ERAP1: variants seen among roughly 807,000 people sequenced by gnomAD.
ERAP1 encodes endoplasmic reticulum aminopeptidase 1, also known as adipocyte-derived leucine aminopeptidase.
In ERAP1, 86 loss-of-function variants were observed where a neutral mutation model predicts 103.7. The observed-to-expected ratio is 0.83, with a 90% CI of 0.70 to 0.99. The LOEUF is 0.99. ERAP1 is among the 50% of genes least tolerant of loss of function. ERAP1 has a pLI of 0.00. For missense variants in ERAP1, 1,009 were observed against 1,128.4 expected (o/e 0.89, Z 1.52); for synonymous variants, 398 against 402.4 (o/e 0.99, Z 0.13).
Position 96,775,431 on chromosome 5 carries a change from G to T in ERAP1, c.*965C>A. 1.0e-6 allele frequency: 1 copy of T among 985,406 alleles called. No homozygotes were observed. The highest frequency in any genetic ancestry group is 1.2e-6 in the Non-Finnish European group (1 of 829,888). The allele number at this position is 985,406 out of a possible 1,614,324, so 61.0% of individuals were successfully genotyped here. On this transcript the variant is annotated 3_prime_UTR_variant, in exon 19 of 19. Coordinates refer to ENST00000443439, the MANE Select transcript of ERAP1 (RefSeq NM_001040458.3). ...TAAAGTAGGCCAAATAAGAAGCAGA[G>T]AGAGAAAAAAAATCACCTCCCTAAG...
At chr5:96,778,775 G>T (rs756356861) in intron 18 of ERAP1, among the ~76,000 whole-genome samples, 1 of 152,202 alleles carries the variant, frequency 6.6e-6, no homozygotes, top group Non-Finnish European at 1.5e-5. Context: ...GGCAAGAGAT[G>T]AGAAAGGATT....
chr5:96,834,327 C>G, the ERAP1 span, among the ~76,000 whole-genome samples: 1 of 152,172 alleles, frequency 6.6e-6, no homozygotes, highest in Non-Finnish European at 1.5e-5. Flanking sequence ...CTCCCACTTA[C>G]TATTTGTTAG....
the ERAP1 span, among the ~76,000 whole-genome samples, chr5:96,813,498 A>T: frequency 6.6e-6 from 1 of 151,834 alleles, no homozygotes; most frequent in African/African-American, 2.4e-5. Flanking sequence ...ACTAAAATAC[A>T]AAAATTTAGC....
downstream of ERAP1, chr5:96,773,178 C>T (rs369920978): frequency 9.7e-5 from 15 of 153,896 alleles, no homozygotes; most frequent in African/African-American, 3.6e-4. Context: ...CATATCTCCT[C>T]TTGGGCTGCT....
the ERAP1 span, among the ~76,000 whole-genome samples, chr5:96,833,827 A>G: frequency 1.3e-5 from 2 of 151,490 alleles, no homozygotes; most frequent in Non-Finnish European, 2.9e-5. Flanking sequence ...AGAAGATAGC[A>G]TGTGAATTCT....
chr5:96,865,931 C>A, the ERAP1 span, among the ~76,000 whole-genome samples: 1 of 152,200 alleles, frequency 6.6e-6, no homozygotes, highest in Non-Finnish European at 1.5e-5. Context: ...ACATTACACC[C>A]AGACTGACAA....
rs895974726 is a variant in ERAP1 at position 96,795,242 on chromosome 5, T to C, written c.799-80A>G. On this transcript the variant is annotated intron_variant, in intron 4 of 18. Coordinates refer to ENST00000443439, the MANE Select transcript of ERAP1 (RefSeq NM_001040458.3). ...ACATTGTGTAGAAGACTGACATTAATGTCTTCATATTGTGGGATATGGTTG... is the reference window on the plus strand; with the variant it reads ...ACATTGTGTAGAAGACTGACATTAACGTCTTCATATTGTGGGATATGGTTG... 1.4e-5 allele frequency: 22 copies of C among 1,560,544 alleles called. No individual in the cohort carries two copies. The South Asian group carries it at 1.5e-4, about 10-fold the overall frequency.
chr5:96,800,585 C>A (rs1012040264), intron 3 of ERAP1, among the ~76,000 whole-genome samples: 3 of 152,126 alleles, frequency 2.0e-5, no homozygotes, highest in Admixed American at 2.0e-4. Context: ...AATATTTAAA[C>A]CTGACCTGAA....
the ERAP1 span, among the ~76,000 whole-genome samples, chr5:96,857,274 G>A: frequency 6.6e-6 from 1 of 152,120 alleles, no homozygotes; most frequent in African/African-American, 2.4e-5. Flanking sequence ...TTCTTACCTT[G>A]TCTTACTCCT....
chr5:96,762,640 A>G, exon 20 of ERAP1: 1 of 386,682 alleles, frequency 2.6e-6, no homozygotes. Flanking sequence ...TGAAAGTGCA[A>G]TAAAGTGCAT....
chr5:96,859,944 T>G, the ERAP1 span, among the ~76,000 whole-genome samples: 7,404 of 152,286 alleles, frequency 0.049, 222 homozygotes, highest in South Asian at 0.11. Context: ...CATACTACCT[T>G]CCCTGAGCTT....
At chr5:96,778,060 T>C (rs978719650) in intron 18 of ERAP1, among the ~76,000 whole-genome samples, 6 of 152,230 alleles carry the variant, frequency 3.9e-5, no homozygotes, top group Non-Finnish European at 5.9e-5. Context: ...GATGTAGTTA[T>C]ATAATGCAGG....
intron 13 of ERAP1, among the ~76,000 whole-genome samples, chr5:96,784,453 A>T (rs1171069610): frequency 6.6e-6 from 1 of 152,014 alleles, no homozygotes. Flanking sequence ...ACTGCACTCC[A>T]GCCTGGGCGA....
At chr5:96,871,993 T>C in the ERAP1 span, among the ~76,000 whole-genome samples, 23 of 152,188 alleles carry the variant, frequency 1.5e-4, no homozygotes, top group Non-Finnish European at 2.5e-4. Context: ...TCTGAGTCTT[T>C]ATACTAACAT....
the ERAP1 span, among the ~76,000 whole-genome samples, chr5:96,848,127 C>T: frequency 6.6e-6 from 1 of 152,186 alleles, no homozygotes; most frequent in African/African-American, 2.4e-5. Flanking sequence ...CAGCTCACTG[C>T]AACCTCTGCC....
the ERAP1 span, among the ~76,000 whole-genome samples, chr5:96,882,424 T>A: frequency 2.6e-5 from 4 of 152,190 alleles, no homozygotes; most frequent in African/African-American, 9.7e-5. Context: ...GTTCCCTTCA[T>A]ACTCAGTCAC....
chr5:96,857,321 T>G, the ERAP1 span, among the ~76,000 whole-genome samples: 1 of 152,202 alleles, frequency 6.6e-6, no homozygotes, highest in Non-Finnish European at 1.5e-5. Context: ...TGTTGCCTTT[T>G]TGTTTGACTG....
At chr5:96,770,349 C>T (rs184033733), downstream of ERAP1, 516 of 555,184 alleles carry the variant, frequency 9.3e-4, 6 homozygotes, top group African/African-American at 8.9e-3. Flanking sequence ...CTTTTTCCCT[C>T]CTGCTTTAAA....
At chr5:96,823,378 C>T in the ERAP1 span, among the ~76,000 whole-genome samples, 1 of 152,320 alleles carries the variant, frequency 6.6e-6, no homozygotes, top group South Asian at 2.1e-4. Context: ...CATCTTTCTA[C>T]TTTTCACCAT....
Sources: gnomAD v4.1 joint callset for allele counts (sites outside exome capture counted in the v4.1 genomes callset) on GRCh38, gnomAD v4.1.1 for gene constraint, MANE v1.5 for transcripts, NCBI Gene and HGNC (gene_info 2026-07-23, HGNC 2026-07-21) for gene names.